PCNT: variants seen among roughly 807,000 people sequenced by gnomAD.
PCNT encodes kendrin.
PCNT carries 319 observed loss-of-function variants against 380.4 expected under a neutral mutation model. The ratio of observed to expected loss-of-function variants is 0.84; its 90% CI spans 0.77 to 0.92. PCNT has a LOEUF of 0.92. PCNT is among the 40% of genes least tolerant of loss of function. PCNT has a pLI of 0.00. For synonymous variants in PCNT, 1,845 were observed against 1,735.2 expected (o/e 1.06, Z -1.57); for missense variants, 4,400 against 4,255.3 (o/e 1.03, Z -0.95).
intron 27 of PCNT, among the ~76,000 whole-genome samples, chr21:46,404,192 A>G (rs886100435): frequency 3.3e-5 from 5 of 151,106 alleles, no homozygotes; most frequent in Non-Finnish European, 1.5e-5. Context: ...CAGCGTGGGA[A>G]TGCTCCCTGA....
Position 46,436,064 on chromosome 21 carries a change from A to C in PCNT, c.8912A>C (p.Gln2971Pro), listed in dbSNP as rs1320029332. 1 of 1,613,468 alleles carries C rather than the reference A, an allele frequency of 6.2e-7. No homozygotes were observed. Among genetic ancestry groups the C allele is most frequent in the Non-Finnish European group, 8.5e-7 (1 of 1,179,948 alleles). The change falls in exon 39 of 47, where the codon CAG becomes CCG. Residue 2971 changes from glutamine (Q) to proline (P), a missense_variant. By Grantham distance (76) the Gln-to-Pro change is moderately conservative. Transcript: ENST00000359568. ...TCGGATGCGGACCACCTCCGGGAAC[A>C]GCAGCGAGAGCTGGAGGCGATGAGG... ...AGSDADHLRE[Q>P]QRELEAMRQR...
intron 29 of PCNT, among the ~76,000 whole-genome samples, chr21:46,415,412 C>T (rs542902148): frequency 9.0e-6 from 1 of 111,588 alleles, no homozygotes; most frequent in Non-Finnish European, 1.6e-5. Flanking sequence ...GAGTCTCGCT[C>T]TGTCGCCCAG....
chr21:46,347,118 C>A, intron 5 of PCNT, 120 bp downstream of exon 5: 1 of 1,252,514 alleles, frequency 8.0e-7, no homozygotes, highest in Non-Finnish European at 1.1e-6. Context: ...TCTCTGTTCT[C>A]AGCACCTTGC....
rs559144251 is a variant in PCNT, at chr21:46,421,316, T to C, written c.7025-654T>C. 1.3e-4 allele frequency among the ~76,000 whole-genome samples: 20 copies of C among 150,592 alleles called. No individual in the cohort carries two copies. The South Asian group carries it at 4.0e-3, about 30-fold the overall frequency. On this transcript the variant is annotated intron_variant, in intron 31 of 46. Coordinates refer to ENST00000359568, the MANE Select transcript of PCNT (RefSeq NM_006031.6). Reference sequence around the variant, plus strand: ...GCATCCTCATCCTCCTGTTTTGAAGTCTAACACCCTTTTTCCAGGGCGCCT... The same window carrying C: ...GCATCCTCATCCTCCTGTTTTGAAGCCTAACACCCTTTTTCCAGGGCGCCT...
In PCNT at chr21:46,353,245, C is replaced by G. The variant is rs1032503895; in HGVS notation, c.1598C>G (p.Thr533Ser). ...AAGAAGTTAAGGGATGCTGAGAAAA[C>G]TTACCAAGAAGACCTAACCCTGTTA... ...FEKKLRDAEK[T>S]YQEDLTLLQQ... Residue 533 changes from threonine to serine, a missense_variant, in exon 10 of 47, where the codon ACT becomes AGT. Physicochemically the swap from Thr to Ser is moderately conservative, Grantham distance 58 (BLOSUM62 1). Transcript: ENST00000359568. 3 of 1,614,136 alleles carry G rather than the reference C, an allele frequency of 1.9e-6. No homozygotes were observed. Among genetic ancestry groups the G allele is most frequent in the Non-Finnish European group, 2.5e-6 (3 of 1,180,022 alleles).
intron 31 of PCNT, 73 bp from the exon 32 acceptor site, chr21:46,421,897 G>A: frequency 6.4e-7 from 1 of 1,553,650 alleles, no homozygotes; most frequent in Non-Finnish European, 8.8e-7. Flanking sequence ...CCCCTGTCCT[G>A]CCTCTGCAGT....
intron 17 of PCNT, among the ~76,000 whole-genome samples, chr21:46,386,822 C>T (rs572402683): frequency 3.9e-5 from 6 of 152,320 alleles, no homozygotes; most frequent in East Asian, 1.9e-4. Flanking sequence ...GCAGTGGACT[C>T]GGCACTGTGT....
At chr21:46,351,352 TA>T in intron 8 of PCNT, 76 bp from the exon 9 acceptor site, 1 of 831,784 alleles carries the variant, frequency 1.2e-6, no homozygotes, top group Non-Finnish European at 2.1e-6. Flanking sequence ...GTGGCAGGGA[TA>T]AAACCGCACA....
chr21:46,367,793 A>T (rs2084980267), intron 15 of PCNT, among the ~76,000 whole-genome samples: 1 of 151,866 alleles, frequency 6.6e-6, no homozygotes, highest in Non-Finnish European at 1.5e-5. Flanking sequence ...CTGTGGGAAG[A>T]TCTGATGGTC....
intron 25 of PCNT, 59 bp from the exon 26 acceptor site, chr21:46,401,492 A>G (rs2086425755): frequency 2.2e-6 from 3 of 1,334,596 alleles, no homozygotes; most frequent in Non-Finnish European, 2.2e-6. Flanking sequence ...AACAGGCAGC[A>G]GTTGAGGTAC....
At position 46,422,112 on chromosome 21, in the gene PCNT, G is replaced by A. The variant is rs745406750; in HGVS notation, c.7167G>A (p.Pro2389=). The part of the protein sequence containing the change: ...PEAMKEKEVR[P]KHVKALLQMV... ...CCATGAAGGAGAAGGAAGTGCGTCCGAAGCACGTGAAGGTATGGCTGGCAG... is the reference window on the plus strand; with the variant it reads ...CCATGAAGGAGAAGGAAGTGCGTCCAAAGCACGTGAAGGTATGGCTGGCAG... The change falls in exon 32 of 47, where the codon CCG becomes CCA. Residue 2389 remains proline (P), a synonymous_variant. Transcript: ENST00000359568. 1.5e-5 allele frequency: 24 copies of A among 1,613,554 alleles called. No homozygotes were observed. Among genetic ancestry groups the A allele is most frequent in the African/African-American group, 5.3e-5 (4 of 74,948 alleles).
chr21:46,361,977 G>GT (rs1027837541), intron 13 of PCNT, among the ~76,000 whole-genome samples: 2 of 152,120 alleles, frequency 1.3e-5, no homozygotes, highest in African/African-American at 4.8e-5. Flanking sequence ...CTGGGTTCAG[G>GT]TTGCATCCTG....
At chr21:46,386,673 G>C (rs13047209) in intron 17 of PCNT, among the ~76,000 whole-genome samples, 1 of 152,084 alleles carries the variant, frequency 6.6e-6, no homozygotes, top group African/African-American at 2.4e-5. Context: ...CCCTTTTGTC[G>C]CGTGTGGGGT....
intron 27 of PCNT, among the ~76,000 whole-genome samples, chr21:46,403,988 C>T (rs1471548985): frequency 2.9e-5 from 4 of 138,450 alleles, no homozygotes; most frequent in Admixed American, 7.2e-5. Flanking sequence ...CCACGCGGCG[C>T]GTGCTCGGTG....
chr21:46,343,587 T>C (rs1165560463), intron 3 of PCNT, among the ~76,000 whole-genome samples: 2 of 152,176 alleles, frequency 1.3e-5, no homozygotes, highest in African/African-American at 4.8e-5. Flanking sequence ...TTTCTTTTTT[T>C]GTTATGTCCT....
chr21:46,443,802 T>C lies in PCNT; in HGVS notation c.9701-8T>C. 1 of 1,613,826 alleles carries C rather than the reference T, an allele frequency of 6.2e-7. No homozygotes were observed. Among genetic ancestry groups the C allele is most frequent in the South Asian group, 1.1e-5 (1 of 91,076 alleles). On this transcript the variant is annotated splice_polypyrimidine_tract_variant and splice_region_variant and intron_variant, in intron 44 of 46. Coordinates refer to ENST00000359568, the MANE Select transcript of PCNT (RefSeq NM_006031.6). ...TAATCCCTTGGTTGTTAAATAATTC[T>C]GGGGAAGGGCCCCGAGCACGACAGC...
intron 31 of PCNT, 93 bp downstream of exon 31, chr21:46,418,399 T>G (rs1444705203): frequency 1.2e-6 from 1 of 820,110 alleles, no homozygotes. Flanking sequence ...TGCCTGGTTC[T>G]GCGTCTGCCC....
chr21:46,338,567 C>CTTCTAGCT (rs1555947736), intron 3 of PCNT, among the ~76,000 whole-genome samples: 1 of 148,428 alleles, frequency 6.7e-6, no homozygotes, highest in Non-Finnish European at 1.5e-5. Context: ...GGACATCTTT[C>CTTCTAGCT]TTCTAGCTTT....
At position 46,425,666 on chromosome 21, in the gene PCNT, C is replaced by G. The variant is rs1437763215; in HGVS notation, c.7180-165C>G. The stretch of plus-strand genomic sequence containing the variant: ...AGAGGTGGGCTTGAAAACCTTGTAG[C>G]TTGAGAAGTGGGTGCCGCCTGTACG... On this transcript the variant is annotated intron_variant, in intron 32 of 46. Transcript: ENST00000359568. The surrounding 1 kb of genome is among the most constrained non-coding windows in gnomAD (Gnocchi z 4.2). Among the ~76,000 whole-genome samples the G allele has an allele frequency of 1.3e-5, 2 of 152,220 alleles. No individual in the cohort carries two copies. Among genetic ancestry groups the G allele is most frequent in the Non-Finnish European group, 2.9e-5 (2 of 68,034 alleles).
Sources: gnomAD v4.1 joint callset for allele counts (sites outside exome capture counted in the v4.1 genomes callset) on GRCh38, gnomAD v4.1.1 for gene constraint, Gnocchi (gnomAD v3.1) non-coding constraint, MANE v1.5 for transcripts, NCBI Gene and HGNC (gene_info 2026-07-23, HGNC 2026-07-21) for gene names.